TTC23L: variants seen among roughly 807,000 people sequenced by gnomAD.
TTC23L encodes the protein tetratricopeptide repeat protein 23-like.
Under a neutral mutation model 48.1 loss-of-function variants are expected in TTC23L, and 42 were observed. The ratio of observed to expected loss-of-function variants is 0.87; its 90% confidence interval spans 0.68 to 1.13. The LOEUF is 1.13. TTC23L is among the 50% of genes most tolerant of loss of function. The pLI is 0.00. For missense variants in TTC23L, 391 were observed against 421.0 expected (o/e 0.93, Z 0.62); for synonymous variants, 159 against 157.2 (o/e 1.01, Z -0.09).
the TTC23L span, chr5:34,922,450 T>C: frequency 4.2e-6 from 4 of 951,368 alleles, no homozygotes; most frequent in African/African-American, 5.0e-5. Context: ...AATGTATAAA[T>C]ATTATAAGCA....
intron 9 of TTC23L, among the ~76,000 whole-genome samples, chr5:34,896,092 A>C (rs547422673): frequency 6.6e-6 from 1 of 152,204 alleles, no homozygotes; most frequent in Non-Finnish European, 1.5e-5. Flanking sequence ...CAGGTAGAGA[A>C]GTGAAAACTC....
chr5:34,879,390 A>G (rs1385514613), intron 8 of TTC23L, among the ~76,000 whole-genome samples: 1 of 152,186 alleles, frequency 6.6e-6, no homozygotes, highest in African/African-American at 2.4e-5. Flanking sequence ...ATTGATATAA[A>G]CGTATTATGT....
At chr5:34,920,821 CAA>C in the TTC23L span, 1 of 151,334 alleles carries the variant, frequency 6.6e-6, no homozygotes, top group Non-Finnish European at 1.5e-5. Flanking sequence ...CAGTAAGAAA[CAA>C]AAGTTTTGTT....
chr5:34,896,856 G>T, exon 10 of TTC23L: 1 of 726,858 alleles, frequency 1.4e-6, no homozygotes. Context: ...GCATGACAGA[G>T]GGCAGTGTAT....
the TTC23L span, chr5:34,922,661 A>G: frequency 6.2e-7 from 1 of 1,601,722 alleles, no homozygotes; most frequent in Non-Finnish European, 8.5e-7. Flanking sequence ...TGCAAAAGTT[A>G]CAACTATTTT....
intron 9 of TTC23L, among the ~76,000 whole-genome samples, chr5:34,883,689 T>C (rs1762380827): frequency 6.6e-6 from 1 of 152,028 alleles, no homozygotes; most frequent in Admixed American, 6.6e-5. Context: ...AGGATAAAAT[T>C]CTAGAAACAT....
At chr5:34,868,309 C>T (rs1054732052) in intron 7 of TTC23L, 1 of 152,700 alleles carries the variant, frequency 6.5e-6, no homozygotes, top group African/African-American at 2.4e-5. Context: ...AGTATTTGGC[C>T]TATGAAATAT....
At chr5:34,920,031 A>G in the TTC23L span, 13 of 473,690 alleles carry the variant, frequency 2.7e-5, no homozygotes, top group South Asian at 1.2e-4. Context: ...GGTCTTCCAA[A>G]TTTTTATCTC....
At chr5:34,845,448 A>C (rs1436973489) in intron 2 of TTC23L, 39 bp from the exon 3 acceptor site, 2 of 1,576,482 alleles carry the variant, frequency 1.3e-6, no homozygotes, top group African/African-American at 2.7e-5. Context: ...GAGATGGAGA[A>C]GGTTAAATCC....
At chr5:34,845,215 C>T (rs550070688) in intron 2 of TTC23L, among the ~76,000 whole-genome samples, 1 of 152,298 alleles carries the variant, frequency 6.6e-6, no homozygotes, top group South Asian at 2.1e-4. Flanking sequence ...TCTCATTTTA[C>T]AGAGAAGTAA....
intron 9 of TTC23L, among the ~76,000 whole-genome samples, chr5:34,884,529 CACACACACACACACAA>C (rs1762434548): frequency 6.6e-6 from 1 of 151,884 alleles, no homozygotes; most frequent in South Asian, 2.1e-4. Flanking sequence ...CACATACACA[CACACACACACACACAA>C]ACACACACAC....
chr5:34,924,750 C>A, the TTC23L span: 1 of 705,790 alleles, frequency 1.4e-6, no homozygotes. Flanking sequence ...TATGGATTAT[C>A]AATTATTTCA....
chr5:34,840,798 C>T, intron 2 of TTC23L, 59 bp downstream of exon 2: 1 of 1,535,464 alleles, frequency 6.5e-7, no homozygotes, highest in East Asian at 2.2e-5. Flanking sequence ...ACTGGGACCT[C>T]CTGCTTAAGG....
At chr5:34,892,825 G>A (rs1762956924) in intron 9 of TTC23L, among the ~76,000 whole-genome samples, 1 of 152,194 alleles carries the variant, frequency 6.6e-6, no homozygotes, top group Admixed American at 6.5e-5. Flanking sequence ...AGGTACCTAA[G>A]GAGGGACGTG....
intron 8 of TTC23L, among the ~76,000 whole-genome samples, chr5:34,876,934 C>G (rs1376796112): frequency 1.3e-5 from 2 of 151,600 alleles, no homozygotes; most frequent in Non-Finnish European, 2.9e-5. Flanking sequence ...ATGTGTATAC[C>G]TAGTAACAAA....
the TTC23L span, among the ~76,000 whole-genome samples, chr5:34,924,418 A>C: frequency 2.0e-5 from 3 of 152,206 alleles, no homozygotes; most frequent in African/African-American, 7.2e-5. Context: ...CTATTAAATA[A>C]ATTTGACTAC....
At chr5:34,915,728 G>C in the TTC23L span, 1 of 1,594,640 alleles carries the variant, frequency 6.3e-7, no homozygotes, top group African/African-American at 1.3e-5. Context: ...GAGCGCGGGC[G>C]GCGAGGCAAG....
chr5:34,911,518 G>T, the TTC23L span: 2 of 1,607,562 alleles, frequency 1.2e-6, no homozygotes, highest in Admixed American at 3.4e-5. Flanking sequence ...ATGGAGTACA[G>T]ACCACATTAA....
At chr5:34,919,866 C>T in the TTC23L span, 4 of 1,192,798 alleles carry the variant, frequency 3.4e-6, no homozygotes, top group Non-Finnish European at 4.8e-6. Flanking sequence ...TAAGGATAAG[C>T]TATTTGTGAT....
Sources: allele counts gnomAD v4.1 joint callset (sites outside exome capture counted in the v4.1 genomes callset), GRCh38; gene constraint gnomAD v4.1.1; transcripts MANE v1.5; gene names NCBI Gene and HGNC (gene_info 2026-07-23, HGNC 2026-07-21).